The following EPHA6 variants were observed in gnomAD, a reference collection of about 807,000 sequenced individuals.
EPHA6 encodes EPH receptor A6.
Under a neutral mutation model 112.0 loss-of-function variants are expected in EPHA6, and 50 were observed. The observed-to-expected ratio is 0.45, with a 90% CI of 0.36 to 0.56. EPHA6 has a LOEUF of 0.56. EPHA6 is among the 20% of genes least tolerant of loss of function. The pLI is 0.00. For synonymous variants in EPHA6, 529 were observed against 490.7 expected (o/e 1.08, Z -1.03); for missense variants, 1,280 against 1,417.4 (o/e 0.90, Z 1.56).
intron 5 of EPHA6, among the ~76,000 whole-genome samples, chr3:97,329,002 T>G (rs1304234236): frequency 6.6e-6 from 1 of 151,996 alleles, no homozygotes; most frequent in African/African-American, 2.4e-5. Context: ...GTGTGTGATG[T>G]TCCCCTTCCT....
intron 1 of EPHA6, among the ~76,000 whole-genome samples, chr3:96,829,982 C>CACAT (rs1553713443): frequency 0.02 from 2,985 of 148,202 alleles, 81 homozygotes; most frequent in African/African-American, 0.056. Context: ...CACACACACA[C>CACAT]ACACACAGAA....
chr3:97,203,252 A>T (rs2077626688), intron 3 of EPHA6, among the ~76,000 whole-genome samples: 1 of 152,146 alleles, frequency 6.6e-6, no homozygotes, highest in Admixed American at 6.6e-5. Flanking sequence ...AGAAAGAGTC[A>T]TTGGGATAAT....
At chr3:97,260,737 G>T (rs896758214) in intron 5 of EPHA6, among the ~76,000 whole-genome samples, 2 of 152,126 alleles carry the variant, frequency 1.3e-5, no homozygotes, top group African/African-American at 4.8e-5. Flanking sequence ...AGCACTTTTT[G>T]GTCAAGCCCC....
intron 3 of EPHA6, among the ~76,000 whole-genome samples, chr3:97,077,526 C>T (rs1055818519): frequency 6.6e-6 from 1 of 152,096 alleles, no homozygotes; most frequent in Non-Finnish European, 1.5e-5. Flanking sequence ...TCTCCCAGTA[C>T]TATCCCTGCC....
chr3:97,268,059 T>C (rs1389608726), intron 5 of EPHA6, among the ~76,000 whole-genome samples: 1 of 152,204 alleles, frequency 6.6e-6, no homozygotes, highest in Admixed American at 6.5e-5. Context: ...TCTTTCTATA[T>C]ATCTGATTCA....
intron 2 of EPHA6, among the ~76,000 whole-genome samples, chr3:96,949,789 ACT>A (rs915492376): frequency 6.6e-6 from 1 of 151,970 alleles, no homozygotes; most frequent in Non-Finnish European, 1.5e-5. Context: ...GCTTAAACTT[ACT>A]CTCTCTAGGA....
At chr3:97,626,252 T>A (rs1480722365) in intron 13 of EPHA6, among the ~76,000 whole-genome samples, 1 of 151,822 alleles carries the variant, frequency 6.6e-6, no homozygotes, top group Non-Finnish European at 1.5e-5. Flanking sequence ...ATGTGCTAGT[T>A]GTATACATTT....
In EPHA6 at chr3:96,882,520, A is replaced by G. The variant is rs139937572; in HGVS notation, c.450+15631A>G. 2.6e-4 allele frequency among the ~76,000 whole-genome samples: 40 copies of G among 151,984 alleles called. 1 individual carries two copies. In the East Asian group the frequency reaches 7.4e-3, roughly 28 times the overall value. On this transcript the variant is annotated intron_variant, in intron 2 of 17. Coordinates refer to ENST00000389672, the MANE Select transcript of EPHA6 (RefSeq NM_001080448.3). ...TTTCCCACCTCTCACCACTCCCACC[A>G]TTCCCCCCAAGTCCCCAAAATCCAT... is the stretch of plus-strand genomic sequence containing the variant.
chr3:97,435,553 G>A (rs2089780078), intron 6 of EPHA6, among the ~76,000 whole-genome samples: 1 of 152,094 alleles, frequency 6.6e-6, no homozygotes, highest in South Asian at 2.1e-4. Context: ...ATATACAGAT[G>A]AAATTATCCA....
chr3:97,429,087 C>A (rs894053031), intron 6 of EPHA6, among the ~76,000 whole-genome samples: 1 of 152,126 alleles, frequency 6.6e-6, no homozygotes. Flanking sequence ...CAGACTTACA[C>A]AAGCCATGAT....
At chr3:97,075,230 T>C (rs914021509) in intron 3 of EPHA6, among the ~76,000 whole-genome samples, 3 of 152,068 alleles carry the variant, frequency 2.0e-5, no homozygotes, top group Non-Finnish European at 4.4e-5. Context: ...GAATATTTCA[T>C]ATCTAGATTG....
chr3:97,185,069 A>T (rs1576638719), intron 3 of EPHA6, among the ~76,000 whole-genome samples: 4 of 152,204 alleles, frequency 2.6e-5, no homozygotes, highest in Admixed American at 2.6e-4. Flanking sequence ...TTAATTTAAG[A>T]TGGATTAAAG....
At chr3:97,654,358 A>G (rs189579561) in intron 14 of EPHA6, among the ~76,000 whole-genome samples, 268 of 152,050 alleles carry the variant, frequency 1.8e-3, no homozygotes, top group African/African-American at 6.1e-3. Context: ...CTGTACAACA[A>G]ATCTGTGAGT....
chr3:97,649,904 C>G (rs1279728379), intron 14 of EPHA6, among the ~76,000 whole-genome samples: 2 of 151,942 alleles, frequency 1.3e-5, no homozygotes, highest in Non-Finnish European at 2.9e-5. Context: ...ACTAGGTTTC[C>G]TAAATTCACA....
At chr3:97,342,423 G>T (rs892405275) in intron 5 of EPHA6, among the ~76,000 whole-genome samples, 1 of 152,142 alleles carries the variant, frequency 6.6e-6, no homozygotes. Context: ...CCCAAGCTTA[G>T]TCCAGGCAGC....
chr3:97,559,234 A>G (rs1364416957), intron 11 of EPHA6, among the ~76,000 whole-genome samples: 1 of 152,034 alleles, frequency 6.6e-6, no homozygotes, highest in Non-Finnish European at 1.5e-5. Flanking sequence ...TAATAAGGGC[A>G]AGACAAAAAC....
At chr3:97,495,406 A>G (rs976611914) in intron 10 of EPHA6, among the ~76,000 whole-genome samples, 5 of 151,726 alleles carry the variant, frequency 3.3e-5, no homozygotes, top group Non-Finnish European at 7.4e-5. Flanking sequence ...CTAGAAATAT[A>G]TACTAGAATA....
intron 14 of EPHA6, chr3:97,646,067 C>T: frequency 7.4e-7 from 1 of 1,359,136 alleles, no homozygotes; most frequent in Non-Finnish European, 9.8e-7. Flanking sequence ...CTTTTCTAAT[C>T]AAAATACGGA....
At chr3:97,490,156 T>C (rs1270879419) in intron 10 of EPHA6, among the ~76,000 whole-genome samples, 1 of 152,182 alleles carries the variant, frequency 6.6e-6, no homozygotes, top group Non-Finnish European at 1.5e-5. Flanking sequence ...TATAGAATTA[T>C]TCTAAGTAAT....
Sources: gnomAD v4.1 joint callset for allele counts (sites outside exome capture counted in the v4.1 genomes callset) on GRCh38, gnomAD v4.1.1 for gene constraint, MANE v1.5 for transcripts, NCBI Gene and HGNC (gene_info 2026-07-23, HGNC 2026-07-21) for gene names.